ANO3: variants seen among roughly 807,000 people sequenced by gnomAD.
ANO3 encodes the protein anoctamin 3.
Under a neutral mutation model 144.8 loss-of-function variants are expected in ANO3, and 99 were observed. The observed-to-expected ratio is 0.68, with a 90% CI of 0.58 to 0.81. The LOEUF (loss-of-function observed/expected upper bound fraction) is 0.81, where lower values mean the gene tolerates loss of function less well. Among genes scored for constraint, ANO3 ranks in the 30% least tolerant of loss-of-function variants. The pLI is 0.00. For synonymous variants in ANO3, 414 were observed against 392.6 expected, an observed-to-expected ratio of 1.05 and a Z score of -0.64; for missense variants, 905 against 1,202.2, an observed-to-expected ratio of 0.75 and a Z score of 3.66.
At chr11:26,637,216 A>G (rs1852989356) in intron 20 of ANO3, among the ~76,000 whole-genome samples, 1 of 152,188 alleles carries the variant, frequency 6.6e-6, no homozygotes, top group African/African-American at 2.4e-5. Flanking sequence ...GCTTAATTTC[A>G]ACAAAATTAT....
intron 4 of ANO3, among the ~76,000 whole-genome samples, chr11:26,504,952 C>A (rs976605251): frequency 7.4e-6 from 1 of 134,818 alleles, no homozygotes; most frequent in African/African-American, 2.8e-5. Flanking sequence ...GCGGAGCTTG[C>A]AGTGAGTGGA....
chr11:26,230,796 CCAAAAAAAAAAAAAAAA>C (rs1401276277), intron 1 of ANO3, among the ~76,000 whole-genome samples: 7 of 79,460 alleles, frequency 8.8e-5, no homozygotes, highest in East Asian at 4.6e-4. Context: ...GACTCCATCT[CCAAAAAAAAAAAAAAAA>C]AAAAAAAAAA....
intron 14 of ANO3, among the ~76,000 whole-genome samples, chr11:26,569,504 G>C (rs891254080): frequency 6.6e-6 from 1 of 151,968 alleles, no homozygotes; most frequent in African/African-American, 2.4e-5. Flanking sequence ...AGTCGTAGAA[G>C]CAGCCAGGAA....
intron 17 of ANO3, among the ~76,000 whole-genome samples, chr11:26,605,544 T>A (rs1851910979): frequency 6.6e-6 from 1 of 152,210 alleles, no homozygotes; most frequent in South Asian, 2.1e-4. Context: ...CGGCTGTGAA[T>A]CCATCTGGTC....
At chr11:26,495,809 G>C (rs1004012044) in intron 4 of ANO3, among the ~76,000 whole-genome samples, 1 of 152,140 alleles carries the variant, frequency 6.6e-6, no homozygotes, top group Non-Finnish European at 1.5e-5. Context: ...ATCCATCTTG[G>C]TGTGAAGGTT....
intron 1 of ANO3, among the ~76,000 whole-genome samples, chr11:26,280,259 A>G (rs1003098456): frequency 2.0e-5 from 3 of 152,126 alleles, no homozygotes; most frequent in Non-Finnish European, 4.4e-5. Flanking sequence ...TTATTATCAC[A>G]TCTACCCCGC....
At chr11:26,375,199 A>G (rs912228951) in intron 1 of ANO3, among the ~76,000 whole-genome samples, 3 of 152,140 alleles carry the variant, frequency 2.0e-5, no homozygotes, top group Non-Finnish European at 2.9e-5. Context: ...GGAGTACACA[A>G]TCCACATCAC....
At chr11:26,460,853 C>A (rs1302092287) in intron 3 of ANO3, among the ~76,000 whole-genome samples, 4 of 151,936 alleles carry the variant, frequency 2.6e-5, no homozygotes, top group Non-Finnish European at 5.9e-5. Flanking sequence ...CTTTTATAAG[C>A]ATTAAATTCA....
chr11:26,524,680 T>C (rs184920705), intron 6 of ANO3, among the ~76,000 whole-genome samples: 5 of 152,272 alleles, frequency 3.3e-5, no homozygotes, highest in African/African-American at 1.2e-4. Context: ...TAATTTTTAG[T>C]TTCTCTAAGA....
chr11:26,335,795 A>T (rs1855177035), intron 1 of ANO3, among the ~76,000 whole-genome samples: 1 of 152,176 alleles, frequency 6.6e-6, no homozygotes, highest in Non-Finnish European at 1.5e-5. Flanking sequence ...TTTGCTAAAC[A>T]CCTTTACGAG....
intron 1 of ANO3, among the ~76,000 whole-genome samples, chr11:26,258,702 G>T (rs1853115281): frequency 6.6e-6 from 1 of 152,096 alleles, no homozygotes; most frequent in Non-Finnish European, 1.5e-5. Context: ...GAGTCTTACA[G>T]AATTAAGATG....
intron 4 of ANO3, among the ~76,000 whole-genome samples, chr11:26,473,066 A>G (rs1489986434): frequency 1.3e-5 from 2 of 151,966 alleles, no homozygotes; most frequent in Non-Finnish European, 2.9e-5. Context: ...GACAATTTAA[A>G]CCTACATATT....
rs976721626 is a variant in ANO3, at chr11:26,643,390, G to T, written c.2428+56G>T. The T allele has an allele frequency of 7.5e-6, 12 of 1,589,726 alleles. No homozygotes were observed. In the African/African-American group the frequency reaches 1.6e-4, roughly 21 times the overall value. The stretch of plus-strand genomic sequence containing the variant: ...TTGCTAACACCAATAGGTTGCTATG[G>T]TTTGAGTGTGCCCCCAGATTCATAT... On this transcript the variant is annotated intron_variant, in intron 23 of 26. Transcript: ENST00000256737.
chr11:26,455,096 G>T (rs959023911), intron 3 of ANO3, among the ~76,000 whole-genome samples: 1 of 152,114 alleles, frequency 6.6e-6, no homozygotes, highest in Non-Finnish European at 1.5e-5. Context: ...AGCTATTTAT[G>T]ACAGACCCAC....
intron 17 of ANO3, among the ~76,000 whole-genome samples, chr11:26,620,844 C>A (rs756481749): frequency 2.6e-5 from 4 of 152,126 alleles, no homozygotes; most frequent in Non-Finnish European, 5.9e-5. Flanking sequence ...TAGGGTGGAT[C>A]AAAGGGTTGG....
intron 17 of ANO3, among the ~76,000 whole-genome samples, chr11:26,614,440 G>A (rs1043324034): frequency 2.0e-5 from 3 of 152,166 alleles, no homozygotes; most frequent in Admixed American, 2.0e-4. Context: ...TATGATGGCA[G>A]GGCCTCAGGA....
intron 1 of ANO3, among the ~76,000 whole-genome samples, chr11:26,358,176 T>TA (rs1241042495): frequency 3.8e-4 from 56 of 147,160 alleles, no homozygotes; most frequent in East Asian, 2.6e-3. Context: ...TCAACTTTTT[T>TA]TTTTTTTTTT....
At chr11:26,297,429 G>A (rs954432103) in intron 1 of ANO3, among the ~76,000 whole-genome samples, 1 of 152,136 alleles carries the variant, frequency 6.6e-6, no homozygotes, top group African/African-American at 2.4e-5. Flanking sequence ...ATAAGCACTT[G>A]TAATTATGCG....
intron 4 of ANO3, among the ~76,000 whole-genome samples, chr11:26,499,160 C>T (rs969019432): frequency 2.6e-4 from 40 of 151,852 alleles, no homozygotes; most frequent in African/African-American, 7.7e-4. Flanking sequence ...CCTTTTCTTA[C>T]GAATTTCGCA....
Sources: gnomAD v4.1 joint callset for allele counts (sites outside exome capture counted in the v4.1 genomes callset) on GRCh38, gnomAD v4.1.1 for gene constraint, MANE v1.5 for transcripts, NCBI Gene and HGNC (gene_info 2026-07-23, HGNC 2026-07-21) for gene names.